Variants in CPNE4 observed in about 807,000 individuals in gnomAD.
The protein encoded by CPNE4 is copine 4.
A neutral mutation model predicts 67.9 loss-of-function variants in CPNE4; 25 were observed. That is an observed-to-expected ratio of 0.37 (90% CI 0.27 to 0.51). The LOEUF is 0.51. Among genes scored for constraint, CPNE4 ranks in the 20% least tolerant of loss-of-function variants. The pLI is 0.93. For synonymous variants in CPNE4, 242 were observed against 244.9 expected, an observed-to-expected ratio of 0.99 and a Z score of 0.11; for missense variants, 464 against 690.8, an observed-to-expected ratio of 0.67 and a Z score of 3.68.
chr3:131,850,974 T>G (rs990856076), intron 2 of CPNE4, among the ~76,000 whole-genome samples: 7 of 152,092 alleles, frequency 4.6e-5, no homozygotes, highest in African/African-American at 1.7e-4. Context: ...TTCTACCTCC[T>G]CCCACTTCTC....
rs113121634 is a variant in CPNE4, at chr3:131,786,582, T to C, written c.181-62957A>G. 4.8e-3 allele frequency among the ~76,000 whole-genome samples: 738 copies of C among 152,230 alleles called. 8 individuals are homozygous for C. The highest frequency in any genetic ancestry group is 0.017 in the African/African-American group (701 of 41,568). Reference sequence around the variant, plus strand: ...TGAGAAGCAGAAGTGAGAGTAACTTTTGAAGGTCACACAGTTGATTAGTGG... The same window carrying C: ...TGAGAAGCAGAAGTGAGAGTAACTTCTGAAGGTCACACAGTTGATTAGTGG... On this transcript the variant is annotated intron_variant, in intron 2 of 15. Coordinates refer to ENST00000429747, the MANE Select transcript of CPNE4 (RefSeq NM_130808.3).
At chr3:131,711,037 GA>G (rs1161675210) in intron 3 of CPNE4, among the ~76,000 whole-genome samples, 2 of 152,282 alleles carry the variant, frequency 1.3e-5, no homozygotes, top group East Asian at 3.9e-4. Flanking sequence ...TACTAGCTAT[GA>G]AAATGATTAT....
chr3:131,684,550 T>C (rs1396586977), intron 6 of CPNE4, among the ~76,000 whole-genome samples: 1 of 152,228 alleles, frequency 6.6e-6, no homozygotes, highest in African/African-American at 2.4e-5. Context: ...TTGTCTATCA[T>C]AACAATGACA....
At chr3:131,931,201 T>C (rs1560621884) in intron 1 of CPNE4, among the ~76,000 whole-genome samples, 3 of 152,118 alleles carry the variant, frequency 2.0e-5, no homozygotes, top group Non-Finnish European at 4.4e-5. Context: ...GCAATATTGC[T>C]CTTGAAACTC....
At chr3:131,677,500 T>G (rs2080611471) in intron 6 of CPNE4, among the ~76,000 whole-genome samples, 1 of 152,186 alleles carries the variant, frequency 6.6e-6, no homozygotes, top group East Asian at 1.9e-4. Context: ...TTATGAAATC[T>G]TTGCCCATGC....
intron 1 of CPNE4, among the ~76,000 whole-genome samples, chr3:132,007,180 G>A (rs2073631649): frequency 1.3e-5 from 2 of 152,122 alleles, no homozygotes; most frequent in African/African-American, 4.8e-5. Context: ...CAGAAAACAG[G>A]GCAAGGGTCT....
chr3:131,911,909 A>C (rs1022551251), intron 1 of CPNE4, among the ~76,000 whole-genome samples: 1 of 152,174 alleles, frequency 6.6e-6, no homozygotes, highest in African/African-American at 2.4e-5. Context: ...GCTTTGGTCC[A>C]GCTGAAGCTC....
At chr3:131,635,713 CAG>C (rs1398427574) in intron 7 of CPNE4, among the ~76,000 whole-genome samples, 1 of 152,100 alleles carries the variant, frequency 6.6e-6, no homozygotes, top group Non-Finnish European at 1.5e-5. Flanking sequence ...ACAGACCAAA[CAG>C]GGGAGAGGGA....
chr3:131,936,765 TG>T (rs2071235279), intron 1 of CPNE4, among the ~76,000 whole-genome samples: 2 of 152,070 alleles, frequency 1.3e-5, no homozygotes, highest in Admixed American at 6.6e-5. Context: ...CCATCCCCCT[TG>T]TCTTCTAAGG....
chr3:131,803,601 T>C (rs2084208863), intron 2 of CPNE4, among the ~76,000 whole-genome samples: 1 of 152,232 alleles, frequency 6.6e-6, no homozygotes, highest in Non-Finnish European at 1.5e-5. Flanking sequence ...TATTTTAAAA[T>C]GTTGTTAGGC....
intron 2 of CPNE4, among the ~76,000 whole-genome samples, chr3:131,865,409 T>G (rs185047372): frequency 2.8e-4 from 37 of 133,802 alleles, no homozygotes; most frequent in African/African-American, 1.1e-3. Context: ...GCCCTTCACC[T>G]CCTACTTTTT....
chr3:131,790,592 T>C (rs2083690936), intron 2 of CPNE4, among the ~76,000 whole-genome samples: 1 of 152,144 alleles, frequency 6.6e-6, no homozygotes, highest in Non-Finnish European at 1.5e-5. Context: ...CTTCTTTTCT[T>C]CACCCTGTGA....
At chr3:131,597,592 G>A (rs1938960111) in intron 7 of CPNE4, among the ~76,000 whole-genome samples, 2 of 152,118 alleles carry the variant, frequency 1.3e-5, no homozygotes, top group African/African-American at 4.8e-5. Context: ...ATCACATAAC[G>A]TAACTGCTGC....
At chr3:132,036,674 T>A (rs1458275295), upstream of CPNE4, among the ~76,000 whole-genome samples, 2 of 152,208 alleles carry the variant, frequency 1.3e-5, no homozygotes, top group African/African-American at 2.4e-5. Flanking sequence ...GTTAATTGTA[T>A]CCTCTAAAAT....
chr3:131,565,781 G>A (rs1937023265), intron 10 of CPNE4, among the ~76,000 whole-genome samples: 1 of 150,580 alleles, frequency 6.6e-6, no homozygotes, highest in Admixed American at 6.6e-5. Context: ...TTAAAATCAG[G>A]GGATGCCTAC....
intron 2 of CPNE4, among the ~76,000 whole-genome samples, chr3:131,836,564 C>T (rs892467790): frequency 1.3e-5 from 2 of 152,160 alleles, no homozygotes; most frequent in African/African-American, 4.8e-5. Context: ...AGCATGTCTA[C>T]TCTCACCACT....
intron 2 of CPNE4, among the ~76,000 whole-genome samples, chr3:131,781,928 C>T (rs1283791563): frequency 6.6e-6 from 1 of 152,078 alleles, no homozygotes; most frequent in Non-Finnish European, 1.5e-5. Flanking sequence ...TGATTGCCAC[C>T]TCTAAGTGTC....
At position 131,669,697 on chromosome 3, in the gene CPNE4, C is replaced by G; in HGVS notation, c.659G>C (p.Gly220Ala). Residue 220 changes from glycine to alanine, a missense_variant, in exon 7 of 16, where the codon GGA becomes GCA. This residue lies in a region of CPNE4 where 58 missense variants were observed against 63.5 expected (regional missense o/e 0.91). Transcript: ENST00000429747. Reference protein sequence around the residue: ...FKVSVNSLCSGDPDRRLKCIV... With the variant: ...FKVSVNSLCSADPDRRLKCIV... ...GACCTTTAGCCGGCGGTCTGGGTCT[C>G]CGCTGCATAGAGAATTTACAGATAC... 1 of 1,613,720 alleles carries G rather than the reference C, an allele frequency of 6.2e-7. No individual in the cohort carries two copies. The highest frequency in any genetic ancestry group is 8.5e-7 in the Non-Finnish European group (1 of 1,179,744).
At chr3:131,605,208 T>C (rs1260219079) in intron 7 of CPNE4, among the ~76,000 whole-genome samples, 4 of 152,198 alleles carry the variant, frequency 2.6e-5, no homozygotes, top group Non-Finnish European at 4.4e-5. Context: ...CTATGTTTTA[T>C]GTAACTTTCT....
Sources: gnomAD v4.1 joint callset for allele counts (sites outside exome capture counted in the v4.1 genomes callset) on GRCh38, gnomAD v4.1.1 for gene constraint, gnomAD v4.1.1 regional missense constraint, MANE v1.5 for transcripts, NCBI Gene and HGNC (gene_info 2026-07-23, HGNC 2026-07-21) for gene names.